Variants in CA4 observed in about 807,000 individuals in gnomAD.
CA4 encodes CA-IV.
A neutral mutation model predicts 34.5 loss-of-function variants in CA4; 24 were observed. The ratio of observed to expected loss-of-function variants is 0.70; its 90% CI spans 0.50 to 0.98. The LOEUF (loss-of-function observed/expected upper bound fraction) is 0.98. Among genes scored for constraint, CA4 ranks in the 50% least tolerant of loss-of-function variants. The pLI is 0.00. For synonymous variants in CA4, 178 were observed against 170.6 expected (o/e 1.04, Z -0.34); for missense variants, 394 against 396.7 (o/e 0.99, Z 0.06).
At chr17:60,156,942 A>G (rs2083697488) in intron 3 of CA4, 2 of 607,910 alleles carry the variant, frequency 3.3e-6, no homozygotes, top group Non-Finnish European at 5.9e-6. Flanking sequence ...ACGTTCCAGG[A>G]AGAAGGACAT....
downstream of CA4, among the ~76,000 whole-genome samples, chr17:60,163,146 G>T (rs114257581): frequency 1.5e-4 from 23 of 152,214 alleles, no homozygotes; most frequent in East Asian, 3.1e-3. Context: ...ATGTAGGGGT[G>T]GGGGAGGAAG....
chr17:60,164,580 G>A (rs959418094), intron 5 of CA4, among the ~76,000 whole-genome samples: 1 of 151,932 alleles, frequency 6.6e-6, no homozygotes, highest in Non-Finnish European at 1.5e-5. Context: ...TAGTAGAGAT[G>A]GGGTTTTGCT....
downstream of CA4, chr17:60,159,673 A>G (rs1374429373): frequency 1.3e-5 from 8 of 595,316 alleles, no homozygotes; most frequent in East Asian, 2.2e-4. Context: ...AGGTACCACC[A>G]GGTGTCCCCA....
Position 60,155,385 on chromosome 17 carries a change from A to G in CA4, c.112+18A>G, listed in dbSNP as rs1272268784. 3 of 1,595,988 alleles carry G rather than the reference A, an allele frequency of 1.9e-6. No homozygotes were observed. Among genetic ancestry groups the G allele is most frequent in the African/African-American group, 2.7e-5 (2 of 74,192 alleles). ...CTGCTTGGGTGAGTACAGCCAGTCC[A>G]GGGGACTGCTCTTTGTGCATGGTGG... On this transcript the variant is annotated intron_variant, in intron 2 of 7. Coordinates refer to ENST00000300900, the MANE Select transcript of CA4 (RefSeq NM_000717.5).
chr17:60,157,822 C>T (rs1437609973), intron 5 of CA4, 34 bp downstream of exon 5: 15 of 1,584,506 alleles, frequency 9.5e-6, no homozygotes, highest in African/African-American at 4.0e-5. Flanking sequence ...CCGGGGAACC[C>T]GGGGCTGAGA....
chr17:60,158,361 A>T lies in CA4; in HGVS notation c.659A>T (p.Tyr220Phe). 1 of 1,614,146 alleles carries T rather than the reference A, an allele frequency of 6.2e-7. No homozygotes were observed. The highest frequency in any genetic ancestry group is 8.5e-7 in the Non-Finnish European group (1 of 1,180,012). The change falls in exon 7 of 8, where the codon TAC (tyrosine) becomes TTC (phenylalanine). Residue 220 changes from tyrosine to phenylalanine, a missense_variant. Coordinates refer to ENST00000300900, the MANE Select transcript of CA4 (RefSeq NM_000717.5). ...GAGAAACTGAGGCACTACTTCCGCTACCTGGGCTCACTCACCACACCGACC... is the reference window on the plus strand; with the variant it reads ...GAGAAACTGAGGCACTACTTCCGCTTCCTGGGCTCACTCACCACACCGACC... ...KEEKLRHYFR[Y>F]LGSLTTPTCD...
At chr17:60,157,929 C>A in intron 5 of CA4, 132 bp from the exon 6 acceptor site, 2 of 1,550,664 alleles carry the variant, frequency 1.3e-6, no homozygotes, top group Middle Eastern at 1.7e-4. Flanking sequence ...TGCATGTCCC[C>A]GGGCCAGGTG....
At chr17:60,171,794 G>A (rs910241238), downstream of CA4, among the ~76,000 whole-genome samples, 1 of 152,138 alleles carries the variant, frequency 6.6e-6, no homozygotes, top group Non-Finnish European at 1.5e-5. Flanking sequence ...AGAAAGGGTC[G>A]GGTCTCAATG....
At chr17:60,154,650 C>T (rs1169879397) in intron 1 of CA4, among the ~76,000 whole-genome samples, 5 of 152,200 alleles carry the variant, frequency 3.3e-5, no homozygotes, top group South Asian at 2.1e-4. Context: ...GAGGTGCAGC[C>T]TTTTTTTCAG....
At position 60,158,335 on chromosome 17, in the gene CA4, G is replaced by A. The variant is rs376618460; in HGVS notation, c.633G>A (p.Glu211=). 4.3e-6 allele frequency: 7 copies of A among 1,614,076 alleles called. No homozygotes were observed. The East Asian group carries it at 8.9e-5, about 21-fold the overall frequency. ...ESSLLDLLPK[E]EKLRHYFRYL... is the part of the protein sequence containing the mutation. ...GCCTGTTGGACCTGCTCCCCAAGGA[G>A]GAGAAACTGAGGCACTACTTCCGCT... The change falls in exon 7 of 8, where the codon GAG becomes GAA. Residue 211 remains glutamate, a synonymous_variant. Transcript: ENST00000300900.
intron 7 of CA4, 153 bp downstream of exon 7, chr17:60,158,599 A>C: frequency 1.3e-6 from 1 of 752,678 alleles, no homozygotes; most frequent in Non-Finnish European, 2.2e-6. Context: ...GAAGACAGGC[A>C]AGAAAAGCCT....
intron 2 of CA4, among the ~76,000 whole-genome samples, chr17:60,156,354 T>A (rs1256964565): frequency 6.6e-6 from 1 of 152,126 alleles, no homozygotes; most frequent in Non-Finnish European, 1.5e-5. Context: ...GCCTTGCATG[T>A]ATGTTTCTGT....
chr17:60,171,039 T>A (rs751122159), downstream of CA4: 2 of 152,222 alleles, frequency 1.3e-5, no homozygotes, highest in Non-Finnish European at 2.9e-5. Context: ...AAAAGGGTGA[T>A]CATGCATCCC....
At chr17:60,164,711 A>G (rs1392523222) in intron 5 of CA4, among the ~76,000 whole-genome samples, 2 of 152,042 alleles carry the variant, frequency 1.3e-5, no homozygotes, top group African/African-American at 2.4e-5. Context: ...AACAAACACT[A>G]TTATTTCCTC....
At chr17:60,167,431 G>A (rs182014007) in intron 5 of CA4, among the ~76,000 whole-genome samples, 38 of 152,316 alleles carry the variant, frequency 2.5e-4, no homozygotes, top group Middle Eastern at 3.4e-3. Flanking sequence ...GAGTCCCTGA[G>A]GAAAAGAATG....
chr17:60,156,974 G>A (rs3785767), intron 3 of CA4: 2 of 567,332 alleles, frequency 3.5e-6, no homozygotes, highest in Non-Finnish European at 6.3e-6. Context: ...CGGAGGCATG[G>A]AACAGCTCGG....
chr17:60,151,942 A>G (rs2083598559), intron 1 of CA4, among the ~76,000 whole-genome samples: 2 of 151,776 alleles, frequency 1.3e-5, no homozygotes, highest in Non-Finnish European at 2.9e-5. Flanking sequence ...TTTGCCCAGG[A>G]AACACTTGGG....
At chr17:60,152,220 G>A (rs1198370152) in intron 1 of CA4, among the ~76,000 whole-genome samples, 3 of 151,970 alleles carry the variant, frequency 2.0e-5, no homozygotes, top group South Asian at 2.1e-4. Context: ...CCTCTTGGGA[G>A]TGGCCTGAGT....
chr17:60,166,258 G>A (rs1821796848), intron 5 of CA4, among the ~76,000 whole-genome samples: 2 of 152,170 alleles, frequency 1.3e-5, no homozygotes, highest in Admixed American at 1.3e-4. Flanking sequence ...ACAGGCACCT[G>A]CCACCATGCC....
Sources: gnomAD v4.1 joint callset for allele counts (sites outside exome capture counted in the v4.1 genomes callset) on GRCh38, gnomAD v4.1.1 for gene constraint, MANE v1.5 for transcripts, NCBI Gene and HGNC (gene_info 2026-07-23, HGNC 2026-07-21) for gene names.